Variants in PCED1B observed in about 807,000 individuals in gnomAD.
PCED1B encodes PC-esterase domain-containing protein 1B.
For synonymous variants in PCED1B, 251 were observed against 246.1 expected, an observed-to-expected ratio of 1.02 and a Z score of -0.19; for missense variants, 573 against 573.9, an observed-to-expected ratio of 1.00 and a Z score of 0.02.
In PCED1B at chr12:47,217,663, G is replaced by A. The variant is rs1943340749; in HGVS notation, c.-58+974G>A. On this transcript the variant is annotated intron_variant, in intron 3 of 3. Coordinates refer to ENST00000546455, the MANE Select transcript of PCED1B (RefSeq NM_138371.3). ...GCTATCTCTGCTCACCGCAACCTCC[G>A]CCTCCCAAGTTCAAGCAATTCTTGT... 3.3e-5 allele frequency among the ~76,000 whole-genome samples: 5 copies of A among 151,894 alleles called. No homozygotes were observed. In the South Asian group the frequency reaches 8.3e-4, roughly 25 times the overall value.
chr12:47,094,000 T>C (rs1938371107), intron 1 of PCED1B, among the ~76,000 whole-genome samples: 2 of 152,124 alleles, frequency 1.3e-5, no homozygotes, highest in African/African-American at 4.8e-5. Flanking sequence ...TTTTCACTTT[T>C]TCTGCTATGT....
intron 2 of PCED1B, among the ~76,000 whole-genome samples, chr12:47,146,998 C>CTTTTTTTTTTTTTTTTT (rs59400736): frequency 5.1e-5 from 5 of 99,004 alleles, no homozygotes; most frequent in Admixed American, 1.3e-4. Context: ...GTTCATTGCT[C>CTTTTTTTTTTTTTTTTT]TTTTTTTTTT....
Position 47,159,323 on chromosome 12 carries a change from A to G in PCED1B, c.-526+55128A>G, listed in dbSNP as rs1941295825. ...TTTAGTTTTTTTGAGAAATCTCCCT[A>G]CTGTTTTCCGTAATGGCTGTACTAA... On this transcript the variant is annotated intron_variant, in intron 2 of 3. Transcript: ENST00000546455. Among the ~76,000 whole-genome samples, 2 of 152,024 alleles carry G rather than the reference A, an allele frequency of 1.3e-5. 1 individual carries two copies.
At chr12:47,118,046 G>C (rs993728350) in intron 2 of PCED1B, among the ~76,000 whole-genome samples, 2 of 149,218 alleles carry the variant, frequency 1.3e-5, no homozygotes, top group Admixed American at 6.6e-5. Context: ...TGATGGGGTT[G>C]TTTGATTTTT....
chr12:47,199,182 T>G (rs981293351), intron 2 of PCED1B, among the ~76,000 whole-genome samples: 2 of 152,136 alleles, frequency 1.3e-5, no homozygotes, highest in African/African-American at 4.8e-5. Context: ...AAAAAATTAC[T>G]TAGGTATAAA....
At chr12:47,230,407 A>T (rs1375901929) in intron 3 of PCED1B, among the ~76,000 whole-genome samples, 1 of 151,630 alleles carries the variant, frequency 6.6e-6, no homozygotes, top group Non-Finnish European at 1.5e-5. Context: ...TCTTACACTT[A>T]TTCACACGTA....
intron 3 of PCED1B, among the ~76,000 whole-genome samples, chr12:47,221,593 G>A (rs1224265787): frequency 2.0e-5 from 3 of 152,168 alleles, no homozygotes; most frequent in Non-Finnish European, 2.9e-5. Context: ...CATTTCAGAA[G>A]CAAAGTATAT....
At chr12:47,227,804 G>C (rs1182995237) in intron 3 of PCED1B, among the ~76,000 whole-genome samples, 1 of 151,874 alleles carries the variant, frequency 6.6e-6, no homozygotes, top group Non-Finnish European at 1.5e-5. Flanking sequence ...AGTGAGCTGA[G>C]ATCTCGCCAC....
intron 2 of PCED1B, among the ~76,000 whole-genome samples, chr12:47,134,928 T>A (rs1429064141): frequency 6.6e-6 from 1 of 152,232 alleles, no homozygotes; most frequent in African/African-American, 2.4e-5. Flanking sequence ...TTTTCTTCTT[T>A]CCTAATCCAC....
At chr12:47,200,965 T>C (rs1260219018) in intron 2 of PCED1B, among the ~76,000 whole-genome samples, 3 of 152,200 alleles carry the variant, frequency 2.0e-5, no homozygotes, top group African/African-American at 7.2e-5. Context: ...TTAAAAAGTT[T>C]CAGATAGTGT....
chr12:47,197,520 A>G (rs1195983564), intron 2 of PCED1B, among the ~76,000 whole-genome samples: 1 of 151,868 alleles, frequency 6.6e-6, no homozygotes, highest in Non-Finnish European at 1.5e-5. Context: ...AGGCAGGAGA[A>G]TCGCTTAAAC....
chr12:47,145,954 T>C lies in PCED1B; in HGVS notation c.-526+41759T>C, dbSNP rs373715408. ...ATAAGGCTACAGCTGCTATAGACAG[T>C]GATTCCTCTGATTGATCTGGGCAAA... On this transcript the variant is annotated intron_variant, in intron 2 of 3. Transcript: ENST00000546455. Among the ~76,000 whole-genome samples, 112 of 152,336 alleles carry C rather than the reference T, an allele frequency of 7.4e-4. 1 individual carries two copies. Among genetic ancestry groups the C allele is most frequent in the African/African-American group, 2.4e-3 (101 of 41,576 alleles).
chr12:47,150,722 T>C (rs1032569340), intron 2 of PCED1B, among the ~76,000 whole-genome samples: 8 of 151,720 alleles, frequency 5.3e-5, no homozygotes, highest in Non-Finnish European at 7.4e-5. Flanking sequence ...TAGGAGCTCA[T>C]GGGGTGTGTT....
At chr12:47,144,427 A>G (rs550536202) in intron 2 of PCED1B, among the ~76,000 whole-genome samples, 5 of 152,276 alleles carry the variant, frequency 3.3e-5, no homozygotes, top group African/African-American at 1.2e-4. Context: ...TAATCTCCTT[A>G]ACAGTATCTT....
At chr12:47,234,441 T>A (rs563897094) in intron 3 of PCED1B, among the ~76,000 whole-genome samples, 1 of 152,388 alleles carries the variant, frequency 6.6e-6, no homozygotes, top group African/African-American at 2.4e-5. Flanking sequence ...AATCCTATTC[T>A]ATGAAGATAT....
chr12:47,135,439 G>A (rs1311142830), intron 2 of PCED1B: 1 of 322,234 alleles, frequency 3.1e-6, no homozygotes, highest in Non-Finnish European at 6.2e-6. Context: ...GAGTGCATGG[G>A]AGACAGGTTG....
At chr12:47,151,204 C>T (rs1940981597) in intron 2 of PCED1B, among the ~76,000 whole-genome samples, 1 of 151,702 alleles carries the variant, frequency 6.6e-6, no homozygotes, top group African/African-American at 2.4e-5. Flanking sequence ...ACATTTTAGT[C>T]AATGATGGAC....
At chr12:47,110,358 A>G (rs886297940) in intron 2 of PCED1B, among the ~76,000 whole-genome samples, 10 of 144,244 alleles carry the variant, frequency 6.9e-5, no homozygotes, top group African/African-American at 2.6e-4. Flanking sequence ...ATAGGGTTCC[A>G]CTTCAATAAA....
At chr12:47,150,631 G>T (rs1395375004) in intron 2 of PCED1B, among the ~76,000 whole-genome samples, 3 of 151,816 alleles carry the variant, frequency 2.0e-5, no homozygotes, top group Non-Finnish European at 4.4e-5. Context: ...GAAGCCTGAA[G>T]GAAGTGGGGG....
Sources: gnomAD v4.1 joint callset for allele counts (sites outside exome capture counted in the v4.1 genomes callset) on GRCh38, gnomAD v4.1.1 for gene constraint, MANE v1.5 for transcripts, NCBI Gene and HGNC (gene_info 2026-07-23, HGNC 2026-07-21) for gene names.